Variants in NRXN3 observed in about 807,000 individuals in gnomAD.
NRXN3 encodes the protein neurexin 3.
A neutral mutation model predicts 137.6 loss-of-function variants in NRXN3; 32 were observed. The ratio of observed to expected loss-of-function variants is 0.23; its 90% CI spans 0.18 to 0.31. The LOEUF is 0.31. NRXN3 is among the 10% of genes least tolerant of loss of function. The probability of loss-of-function intolerance (pLI) is 1.00; values close to 1 mark genes in which losing one functional copy is unlikely to be tolerated. For synonymous variants in NRXN3, 798 were observed against 784.5 expected, an observed-to-expected ratio of 1.02 and a Z score of -0.29; for missense variants, 1,574 against 2,062.5, an observed-to-expected ratio of 0.76 and a Z score of 4.59.
At chr14:78,891,043 C>T (rs2099157445) in intron 10 of NRXN3, among the ~76,000 whole-genome samples, 1 of 151,884 alleles carries the variant, frequency 6.6e-6, no homozygotes, top group African/African-American at 2.4e-5. Context: ...TTAACAGTTA[C>T]ATTTGTTAAT....
At chr14:78,412,293 C>T (rs2092879758) in intron 4 of NRXN3, among the ~76,000 whole-genome samples, 1 of 152,168 alleles carries the variant, frequency 6.6e-6, no homozygotes, top group Non-Finnish European at 1.5e-5. Context: ...GCACAGCAAC[C>T]ATAACATTCA....
chr14:78,640,188 G>T (rs1358424784), intron 4 of NRXN3, among the ~76,000 whole-genome samples: 1 of 152,030 alleles, frequency 6.6e-6, no homozygotes, highest in Admixed American at 6.6e-5. Flanking sequence ...TTACATTCTT[G>T]CCCAGTGAAG....
intron 1 of NRXN3, among the ~76,000 whole-genome samples, chr14:78,192,473 T>G (rs532461506): frequency 2.6e-5 from 4 of 152,324 alleles, no homozygotes; most frequent in African/African-American, 9.6e-5. Flanking sequence ...CTTCTTGGAT[T>G]TCATTCAATT....
At position 78,198,895 on chromosome 14, in the gene NRXN3, C is replaced by T. The variant is rs116650320; in HGVS notation, c.-704+28221C>T. ...GAAAAATTCCTGAAAGATTCCTTAG[C>T]TTGGTTCATGGCTGGCAGATTCCTG... On this transcript the variant is annotated intron_variant, in intron 1 of 20. Coordinates refer to ENST00000335750, the MANE Select transcript of NRXN3 (RefSeq NM_001330195.2). Among the ~76,000 whole-genome samples the T allele has an allele frequency of 1.9e-3, 290 of 152,268 alleles. 2 individuals are homozygous for T. Among genetic ancestry groups the T allele is most frequent in the African/African-American group, 6.4e-3 (266 of 41,560 alleles).
intron 15 of NRXN3, among the ~76,000 whole-genome samples, chr14:79,051,013 T>G (rs1387339000): frequency 1.3e-5 from 2 of 152,188 alleles, no homozygotes; most frequent in African/African-American, 4.8e-5. Flanking sequence ...CTTCACAATA[T>G]CCTATGAGGG....
At chr14:78,606,092 A>G (rs2097250279) in intron 4 of NRXN3, among the ~76,000 whole-genome samples, 1 of 152,200 alleles carries the variant, frequency 6.6e-6, no homozygotes, top group South Asian at 2.1e-4. Context: ...GACAAGGGAC[A>G]TGGGTACAAG....
At chr14:79,584,841 C>G (rs2097753261) in intron 16 of NRXN3, among the ~76,000 whole-genome samples, 1 of 152,098 alleles carries the variant, frequency 6.6e-6, no homozygotes, top group Non-Finnish European at 1.5e-5. Flanking sequence ...TCAGCAAAAG[C>G]ATGAATCAGC....
intron 11 of NRXN3, among the ~76,000 whole-genome samples, chr14:78,958,272 TG>T (rs2099400698): frequency 6.6e-6 from 1 of 152,084 alleles, no homozygotes; most frequent in Non-Finnish European, 1.5e-5. Context: ...CTGAATTTGA[TG>T]GTGGATGTAA....
intron 4 of NRXN3, among the ~76,000 whole-genome samples, chr14:78,424,090 C>T (rs575942093): frequency 2.6e-5 from 4 of 152,240 alleles, no homozygotes; most frequent in East Asian, 1.9e-4. Flanking sequence ...CCTACCTTGG[C>T]GGGTGCAGGG....
At chr14:79,406,995 A>G (rs570656274) in intron 15 of NRXN3, among the ~76,000 whole-genome samples, 15 of 152,252 alleles carry the variant, frequency 9.9e-5, no homozygotes, top group East Asian at 5.8e-4. Flanking sequence ...AGGGACCTCT[A>G]TGGTCCCCCT....
At chr14:78,377,446 T>C (rs946278259) in intron 4 of NRXN3, among the ~76,000 whole-genome samples, 3 of 152,224 alleles carry the variant, frequency 2.0e-5, no homozygotes, top group African/African-American at 2.4e-5. Flanking sequence ...AATTCGCAGT[T>C]ATGGTTGGAG....
intron 16 of NRXN3, among the ~76,000 whole-genome samples, chr14:79,655,809 G>A (rs1253982839): frequency 6.6e-6 from 1 of 152,104 alleles, no homozygotes; most frequent in Non-Finnish European, 1.5e-5. Context: ...AAATGTCCCT[G>A]GAGATAAGCA....
intron 19 of NRXN3, among the ~76,000 whole-genome samples, chr14:79,778,765 T>G (rs2099105293): frequency 6.6e-6 from 1 of 152,220 alleles, no homozygotes; most frequent in South Asian, 2.1e-4. Flanking sequence ...ACGTTTTTAC[T>G]AGTGATATTA....
intron 8 of NRXN3, among the ~76,000 whole-genome samples, chr14:78,746,419 C>A (rs1168071259): frequency 6.6e-6 from 1 of 152,046 alleles, no homozygotes. Context: ...TATGTGTTGA[C>A]CTTTAGTGGG....
intron 4 of NRXN3, among the ~76,000 whole-genome samples, chr14:78,440,717 G>A (rs1188399037): frequency 6.6e-6 from 1 of 152,124 alleles, no homozygotes; most frequent in Non-Finnish European, 1.5e-5. Flanking sequence ...CTGTCCAGAA[G>A]CTGTGCTATG....
chr14:78,951,398 G>A (rs1339619099), intron 10 of NRXN3, among the ~76,000 whole-genome samples: 1 of 152,012 alleles, frequency 6.6e-6, no homozygotes, highest in Non-Finnish European at 1.5e-5. Context: ...CCTTCTCAGA[G>A]AAGCCTTCTC....
intron 15 of NRXN3, among the ~76,000 whole-genome samples, chr14:79,234,010 T>G (rs2072751628): frequency 6.6e-6 from 1 of 151,854 alleles, no homozygotes; most frequent in Admixed American, 6.6e-5. Flanking sequence ...TTGAGCAATG[T>G]TATTTTTATT....
rs529763553 is a variant in NRXN3 at position 79,385,594 on chromosome 14, G to C, written c.3263-81627G>C. Among the ~76,000 whole-genome samples, 58 of 152,080 alleles carry C rather than the reference G, an allele frequency of 3.8e-4. 1 individual carries two copies. The highest frequency in any genetic ancestry group is 6.6e-4 in the Non-Finnish European group (45 of 68,020). ...TGTTGGAGGTGGGGCCTGGTGGGAGGTGTTAGAGTCATGGGCTGAGCACTC... is the reference window on the plus strand; with the variant it reads ...TGTTGGAGGTGGGGCCTGGTGGGAGCTGTTAGAGTCATGGGCTGAGCACTC... On this transcript the variant is annotated intron_variant, in intron 15 of 20. Transcript: ENST00000335750.
At chr14:79,057,082 G>C (rs988362586) in intron 15 of NRXN3, among the ~76,000 whole-genome samples, 1 of 152,206 alleles carries the variant, frequency 6.6e-6, no homozygotes, top group African/African-American at 2.4e-5. Context: ...TAGACCACTG[G>C]AATGTATACA....
Sources: gnomAD v4.1 joint callset for allele counts (sites outside exome capture counted in the v4.1 genomes callset) on GRCh38, gnomAD v4.1.1 for gene constraint, MANE v1.5 for transcripts, NCBI Gene and HGNC (gene_info 2026-07-23, HGNC 2026-07-21) for gene names.